Variants in GRM7 observed in about 807,000 individuals in gnomAD.
GRM7 encodes glutamate metabotropic receptor 7, also known as metabotropic glutamate receptor 7.
GRM7 carries 35 observed loss-of-function variants against 84.5 expected under a neutral mutation model. The observed-to-expected ratio is 0.41, with a 90% CI of 0.32 to 0.55. The LOEUF (loss-of-function observed/expected upper bound fraction) is 0.55, where lower values mean the gene tolerates loss of function less well. Ranked by LOEUF, GRM7 falls within the 20% of genes least tolerant of loss-of-function variation. The pLI is 0.19. For synonymous variants in GRM7, 487 were observed against 455.1 expected, an observed-to-expected ratio of 1.07 and a Z score of -0.89; for missense variants, 1,003 against 1,194.6, an observed-to-expected ratio of 0.84 and a Z score of 2.36.
At chr3:7,453,571 G>A (rs1009981501) in intron 6 of GRM7, among the ~76,000 whole-genome samples, 1 of 152,112 alleles carries the variant, frequency 6.6e-6, no homozygotes, top group African/African-American at 2.4e-5. Context: ...AGAGATCCTA[G>A]GGCAAAGTCT....
intron 8 of GRM7, among the ~76,000 whole-genome samples, chr3:7,588,290 G>C (rs145677338): frequency 2.6e-5 from 4 of 152,152 alleles, no homozygotes; most frequent in Non-Finnish European, 5.9e-5. Context: ...CACTTGGGGC[G>C]TAAGAGTTCA....
intron 1 of GRM7, among the ~76,000 whole-genome samples, chr3:6,963,293 T>C (rs1047189917): frequency 4.6e-5 from 7 of 152,228 alleles, no homozygotes; most frequent in African/African-American, 1.7e-4. Context: ...ACATTTTGCA[T>C]TCTTTAGCTC....
chr3:7,593,019 CACAATAATGTA>C (rs750794482), intron 8 of GRM7, among the ~76,000 whole-genome samples: 2 of 152,200 alleles, frequency 1.3e-5, no homozygotes, highest in Non-Finnish European at 2.9e-5. Flanking sequence ...CACATAATTA[CACAATAATGTA>C]ACAATATTCC....
In GRM7 at chr3:7,220,650, A is replaced by G. The variant is rs571589091; in HGVS notation, c.736+73982A>G. ...ATAAAGTATGAATTTAGTTAATGATACGTCAACATTGGTTGATTAATTGTG... is the reference window on the plus strand; with the variant it reads ...ATAAAGTATGAATTTAGTTAATGATGCGTCAACATTGGTTGATTAATTGTG... On this transcript the variant is annotated intron_variant, in intron 2 of 9. Coordinates refer to ENST00000357716, the MANE Select transcript of GRM7 (RefSeq NM_000844.4). Among the ~76,000 whole-genome samples, 12 of 152,342 alleles carry G rather than the reference A, an allele frequency of 7.9e-5. 1 individual carries two copies. The South Asian group carries it at 2.5e-3, about 32-fold the overall frequency.
chr3:7,668,939 A>G lies in GRM7; in HGVS notation c.2452-11110A>G, dbSNP rs77371835. ...TGCTCCCTCAATCCCTGATTCCCAC[A>G]GTGTATTCTGGTTCTCTACCTATTA... On this transcript the variant is annotated intron_variant, in intron 8 of 9. Transcript: ENST00000357716. Among the ~76,000 whole-genome samples the G allele has an allele frequency of 1.5e-3, 236 of 152,382 alleles. 2 individuals are homozygous for G. The highest frequency in any genetic ancestry group is 5.0e-3 in the African/African-American group (206 of 41,590).
chr3:7,080,571 T>C (rs1698243850), intron 1 of GRM7, among the ~76,000 whole-genome samples: 1 of 152,012 alleles, frequency 6.6e-6, no homozygotes, highest in South Asian at 2.1e-4. Flanking sequence ...CCCTTTCTTA[T>C]ATACTGTATT....
rs577311317 is a variant in GRM7 at position 7,732,197 on chromosome 3, G to T, written c.2699-8160G>T. ...TATTAAGCTCTTTCTCTATGACAAT[G>T]CTGTGGTCTTTCTTTATGCAGTGGG... On this transcript the variant is annotated intron_variant, in intron 9 of 9. Transcript: ENST00000357716. 5.1e-4 allele frequency among the ~76,000 whole-genome samples: 78 copies of T among 152,198 alleles called. No homozygotes were observed. In the South Asian group the frequency reaches 0.01, roughly 20 times the overall value.
intron 1 of GRM7, among the ~76,000 whole-genome samples, chr3:7,060,748 C>T (rs1485136989): frequency 1.3e-5 from 2 of 151,664 alleles, no homozygotes; most frequent in African/African-American, 2.4e-5. Flanking sequence ...GAAATGTTTC[C>T]TTGTGCCTAT....
intron 1 of GRM7, among the ~76,000 whole-genome samples, chr3:7,029,720 G>A (rs1310651962): frequency 6.6e-6 from 1 of 152,146 alleles, no homozygotes; most frequent in Non-Finnish European, 1.5e-5. Context: ...AGAGGAACGA[G>A]GAGTTATTTT....
intron 6 of GRM7, among the ~76,000 whole-genome samples, chr3:7,453,879 G>C (rs951201302): frequency 2.6e-5 from 4 of 152,084 alleles, no homozygotes; most frequent in African/African-American, 9.7e-5. Flanking sequence ...TCTTCCTCCA[G>C]GATATGGGGC....
At chr3:7,725,145 A>T (rs1293437877) in intron 9 of GRM7, among the ~76,000 whole-genome samples, 3 of 152,182 alleles carry the variant, frequency 2.0e-5, no homozygotes, top group African/African-American at 7.2e-5. Flanking sequence ...AGTGACAGTG[A>T]TATGACAAAA....
intron 2 of GRM7, among the ~76,000 whole-genome samples, chr3:7,190,622 C>T (rs1282900426): frequency 6.6e-6 from 1 of 152,088 alleles, no homozygotes; most frequent in Non-Finnish European, 1.5e-5. Flanking sequence ...TGATTTCTGA[C>T]TTGGAACAAG....
At chr3:7,089,113 T>C (rs1235430418) in intron 1 of GRM7, among the ~76,000 whole-genome samples, 1 of 152,304 alleles carries the variant, frequency 6.6e-6, no homozygotes, top group Middle Eastern at 3.4e-3. Context: ...TAAAAGTATC[T>C]CTTTTGGAAA....
Position 7,740,734 on chromosome 3 carries a change from C to A in GRM7, c.*328C>A. On this transcript the variant is annotated 3_prime_UTR_variant, in exon 10 of 10. Coordinates refer to ENST00000357716, the MANE Select transcript of GRM7 (RefSeq NM_000844.4). ...AGCCACAGGACCGTTTTGGGGCTGACCTGTCTTATTACGTATGTACTTCTA... is the reference window on the plus strand; with the variant it reads ...AGCCACAGGACCGTTTTGGGGCTGAACTGTCTTATTACGTATGTACTTCTA... 1 of 234,852 alleles carries A rather than the reference C, an allele frequency of 4.3e-6. No homozygotes were observed. The highest frequency in any genetic ancestry group is 8.2e-6 in the Non-Finnish European group (1 of 122,350). The allele number at this position is 234,852 out of a possible 1,614,324, so 14.5% of individuals were successfully genotyped here.
intron 8 of GRM7, among the ~76,000 whole-genome samples, chr3:7,594,670 T>C (rs1171109628): frequency 1.3e-5 from 2 of 152,066 alleles, no homozygotes; most frequent in Non-Finnish European, 2.9e-5. Flanking sequence ...TCAGAAGCAT[T>C]TCAGATCAAA....
chr3:7,578,723 T>A lies in GRM7; in HGVS notation c.1817T>A (p.Ile606Asn). The A allele has an allele frequency of 6.2e-7, 1 of 1,614,130 alleles. No individual in the cohort carries two copies. Among genetic ancestry groups the A allele is most frequent in the Non-Finnish European group, 8.5e-7 (1 of 1,180,000 alleles). ...GCAATGTTGGGGATCATTGCCACCA[T>A]CTTTGTCATGGCCACTTTCATCCGC... ...FLAMLGIIAT[I>N]FVMATFIRYN... Residue 606 changes from isoleucine (I) to asparagine (N), a missense_variant, in exon 8 of 10, where the codon ATC (isoleucine) becomes AAC (asparagine). By Grantham distance (149) the Ile-to-Asn change is moderately radical. Coordinates refer to ENST00000357716, the MANE Select transcript of GRM7 (RefSeq NM_000844.4).
intron 4 of GRM7, among the ~76,000 whole-genome samples, chr3:7,324,810 C>G (rs1043255424): frequency 2.0e-5 from 3 of 152,058 alleles, no homozygotes; most frequent in Non-Finnish European, 4.4e-5. Context: ...GAGTCATAGA[C>G]AAATCTCCAA....
intron 1 of GRM7, among the ~76,000 whole-genome samples, chr3:7,068,900 A>G (rs778941257): frequency 1.3e-4 from 19 of 151,920 alleles, no homozygotes; most frequent in Non-Finnish European, 2.2e-4. Context: ...TTACTCATGA[A>G]TTAAAGACAG....
intron 7 of GRM7, among the ~76,000 whole-genome samples, chr3:7,478,493 T>C (rs1699010039): frequency 6.6e-6 from 1 of 152,202 alleles, no homozygotes; most frequent in African/African-American, 2.4e-5. Context: ...TCAGCAAATA[T>C]CTTTGCTAGT....
Sources: gnomAD v4.1 joint callset for allele counts (sites outside exome capture counted in the v4.1 genomes callset) on GRCh38, gnomAD v4.1.1 for gene constraint, MANE v1.5 for transcripts, NCBI Gene and HGNC (gene_info 2026-07-23, HGNC 2026-07-21) for gene names.